MKNK2: variants seen among roughly 807,000 people sequenced by gnomAD.
MKNK2 encodes the protein MAP kinase-interacting serine/threonine-protein kinase 2.
A neutral mutation model predicts 55.0 loss-of-function variants in MKNK2; 54 were observed. The observed-to-expected ratio is 0.98, with a 90% CI of 0.79 to 1.23. The LOEUF is 1.23. Ranked by LOEUF, MKNK2 falls within the 50% of genes most tolerant of loss-of-function variation. The pLI is 0.00. For synonymous variants in MKNK2, 323 were observed against 256.0 expected (o/e 1.26, Z -2.50); for missense variants, 685 against 632.1 (o/e 1.08, Z -0.90).
In MKNK2 at chr19:2,038,154, G is replaced by A. The variant is rs997397798; in HGVS notation, c.*1459C>T. 17 of 1,046,698 alleles carry A rather than the reference G, an allele frequency of 1.6e-5. No homozygotes were observed. In the East Asian group the frequency reaches 1.1e-3, roughly 65 times the overall value. The allele number at this position is 1,046,698 out of a possible 1,614,324, so 64.8% of individuals were successfully genotyped here. On this transcript the variant is annotated 3_prime_UTR_variant, in exon 14 of 14. Coordinates refer to ENST00000250896, the MANE Select transcript of MKNK2 (RefSeq NM_199054.3). Reference sequence around the variant, plus strand: ...ATACGAGATTCAGGAGGGGCAGCAGGGCCAGGCAGACGGTCTCCGAGGCCC... The same window carrying A: ...ATACGAGATTCAGGAGGGGCAGCAGAGCCAGGCAGACGGTCTCCGAGGCCC...
intron 7 of MKNK2, 26 bp downstream of exon 7, chr19:2,043,098 C>A: frequency 6.3e-7 from 1 of 1,595,072 alleles, no homozygotes; most frequent in Non-Finnish European, 8.6e-7. Flanking sequence ...CTCCCTCCCT[C>A]CTCACAGCCT....
chr19:2,045,133 AG>A (rs1221875045), intron 5 of MKNK2, among the ~76,000 whole-genome samples: 1 of 152,130 alleles, frequency 6.6e-6, no homozygotes, highest in Non-Finnish European at 1.5e-5. Context: ...CACCTCCAGC[AG>A]GAAGTCCCCC....
rs567366409 is a variant in MKNK2 at position 2,049,398 on chromosome 19, C to T, written c.51+1403G>A. On this transcript the variant is annotated intron_variant, in intron 2 of 13. Coordinates refer to ENST00000250896, the MANE Select transcript of MKNK2 (RefSeq NM_199054.3). ...TGTGGGGGGAGATTCCTAGAGCAAC[C>T]GGTCCCGGCCACCTGGAGGAACACC... Among the ~76,000 whole-genome samples, 3 of 152,172 alleles carry T rather than the reference C, an allele frequency of 2.0e-5. No homozygotes were observed. The East Asian group carries it at 5.8e-4, about 29-fold the overall frequency.
chr19:2,043,967 C>A (rs1411822589), intron 5 of MKNK2, among the ~76,000 whole-genome samples: 1 of 105,282 alleles, frequency 9.5e-6, no homozygotes, highest in Non-Finnish European at 1.7e-5. Context: ...CAGAGTGAGA[C>A]TTCGCCTCAA....
chr19:2,042,732 G>A (rs762377486), intron 8 of MKNK2, 34 bp downstream of exon 8: 2 of 1,550,066 alleles, frequency 1.3e-6, no homozygotes, highest in Non-Finnish European at 1.7e-6. Flanking sequence ...TTGGCAGGCG[G>A]CCCTAGGAGA....
intron 2 of MKNK2, among the ~76,000 whole-genome samples, chr19:2,050,559 C>T (rs1382989816): frequency 6.6e-6 from 1 of 152,218 alleles, no homozygotes; most frequent in Non-Finnish European, 1.5e-5. Flanking sequence ...CCCAGCCTCA[C>T]TTGGGGGTCC....
chr19:2,037,778 T>C lies in MKNK2; in HGVS notation c.*1835A>G, dbSNP rs2016779054. ...TAACGGTTCTGACCAGTCCTCCAGG[T>C]CGCACGTGGATGCGACAGGGGTGGG... On this transcript the variant is annotated 3_prime_UTR_variant, in exon 14 of 14. Coordinates refer to ENST00000250896, the MANE Select transcript of MKNK2 (RefSeq NM_199054.3). 1.3e-6 allele frequency: 2 copies of C among 1,598,302 alleles called. No individual in the cohort carries two copies. Among genetic ancestry groups the C allele is most frequent in the Non-Finnish European group, 1.7e-6 (2 of 1,172,914 alleles).
At chr19:2,039,940 G>A (rs887055944) in intron 13 of MKNK2, 84 bp from the exon 14 acceptor site, 2 of 1,487,044 alleles carry the variant, frequency 1.3e-6, no homozygotes, top group Non-Finnish European at 1.8e-6. Flanking sequence ...TGGGGGAAGG[G>A]GCTTCATGCC....
At position 2,039,282 on chromosome 19, in the gene MKNK2, A is replaced by AGG; in HGVS notation, c.*329_*330dup. On this transcript the variant is annotated 3_prime_UTR_variant, in exon 14 of 14. Transcript: ENST00000250896. ...CACGTGGGCAGATGGCGGGCAGCAC[A>AGG]GGTGACCTGGGGGCACCTTCATAGT... is the stretch of plus-strand genomic sequence containing the variant. 1 of 1,179,832 alleles carries AGG rather than the reference A, an allele frequency of 8.5e-7. No homozygotes were observed. The highest frequency in any genetic ancestry group is 1.1e-6 in the Non-Finnish European group (1 of 948,860). The allele number at this position is 1,179,832 out of a possible 1,614,324, so 73.1% of individuals were successfully genotyped here. A position where few individuals can be genotyped will look rare whatever the true frequency, so the allele number is the denominator to read the frequency against.
Position 2,043,583 on chromosome 19 carries a change from C to G in MKNK2, c.340-1G>C. 6.2e-7 allele frequency: 1 copy of G among 1,613,930 alleles called. No homozygotes were observed. Among genetic ancestry groups the G allele is most frequent in the Non-Finnish European group, 8.5e-7 (1 of 1,179,934 alleles). The stretch of plus-strand genomic sequence containing the variant: ...TGTGGCCTGGCTGCTTCTCAATGAT[C>G]TGAAACAGGCGAAAGGACACAGCAC... On this transcript the variant is annotated splice_acceptor_variant, in intron 5 of 13. Coordinates refer to ENST00000250896, the MANE Select transcript of MKNK2 (RefSeq NM_199054.3). LOFTEE classifies it high-confidence loss of function.
rs1049128630 is a variant in MKNK2 at position 2,037,988 on chromosome 19, A to G, written c.*1625T>C. 9 of 1,378,200 alleles carry G rather than the reference A, an allele frequency of 6.5e-6. No individual in the cohort carries two copies. Among genetic ancestry groups the G allele is most frequent in the Non-Finnish European group, 7.6e-6 (8 of 1,057,860 alleles). The allele number at this position is 1,378,200 out of a possible 1,614,324, so 85.4% of individuals were successfully genotyped here. A position where few individuals can be genotyped will look rare whatever the true frequency, so the allele number is the denominator to read the frequency against. On this transcript the variant is annotated 3_prime_UTR_variant, in exon 14 of 14. Transcript: ENST00000250896. ...CCCGTTACGAAACATGGAATCACTG[A>G]CAGGCGAGAAGTGATGGGGGAAAGG...
At position 2,046,301 on chromosome 19, in the gene MKNK2, G is replaced by A. The variant is rs774825837; in HGVS notation, c.242-18C>T. 1.2e-5 allele frequency: 20 copies of A among 1,602,924 alleles called. No homozygotes were observed. The highest frequency in any genetic ancestry group is 8.3e-5 in the Admixed American group (5 of 59,984). On this transcript the variant is annotated intron_variant, in intron 4 of 13. Transcript: ENST00000250896. ...GTAGACGTCTGCCGGGCAGCGGGGC[G>A]GGCGTGAGAGGGACCCTGGCTTTTC... is the stretch of plus-strand genomic sequence containing the variant.
Position 2,041,074 on chromosome 19 carries a change from G to T in MKNK2, c.1076C>A (p.Ala359Asp). 6.2e-7 allele frequency: 1 copy of T among 1,614,018 alleles called. No homozygotes were observed. Among genetic ancestry groups the T allele is most frequent in the South Asian group, 1.1e-5 (1 of 91,088 alleles). ...CCAGGGGTGCTGCAGGACTTGGGCG[G>T]CACTCAGCCTCTGCTTGGCGTCACG... ...LVRDAKQRLSAAQVLQHPWVQ... is the reference protein window; with the variant it reads ...LVRDAKQRLSDAQVLQHPWVQ... The change falls in exon 12 of 14, where the codon GCC (alanine) becomes GAC (aspartate). Residue 359 changes from alanine (A) to aspartate (D), a missense_variant. Coordinates refer to ENST00000250896, the MANE Select transcript of MKNK2 (RefSeq NM_199054.3).
intron 6 of MKNK2, 38 bp downstream of exon 6, chr19:2,043,465 A>AG (rs1189203599): frequency 1.3e-6 from 2 of 1,582,008 alleles, no homozygotes; most frequent in Non-Finnish European, 1.7e-6. Context: ...ACTGAAAGAC[A>AG]GCTCAGGCCA....
intron 5 of MKNK2, among the ~76,000 whole-genome samples, chr19:2,043,847 G>A (rs937299626): frequency 6.6e-5 from 10 of 151,966 alleles, no homozygotes; most frequent in African/African-American, 2.2e-4. Context: ...GGTGGTACAC[G>A]CCTGTAATCC....
rs752974502 is a variant in MKNK2 at position 2,046,712 on chromosome 19, G to A, written c.52-21C>T. 2.0e-6 allele frequency: 3 copies of A among 1,494,642 alleles called. No homozygotes were observed. The South Asian group carries it at 4.0e-5, about 20-fold the overall frequency. 92.6% of individuals were successfully genotyped at this position (1,494,642 alleles called of 1,614,324 possible). On this transcript the variant is annotated intron_variant, in intron 2 of 13. Coordinates refer to ENST00000250896, the MANE Select transcript of MKNK2 (RefSeq NM_199054.3). ...TGCCCCTGCAGGGGAGAGGAGAGGA[G>A]AGGCACTCAGGCCCCATCCCTGCCC... is the stretch of plus-strand genomic sequence containing the variant.
At chr19:2,039,908 CCCCTGGGGTCTGTGAAGG>C in intron 13 of MKNK2, 52 bp from the exon 14 acceptor site, 2 of 1,553,982 alleles carry the variant, frequency 1.3e-6, no homozygotes, top group Non-Finnish European at 1.7e-6. Flanking sequence ...CCTCAGGGGA[CCCCTGGGGTCTGTGAAGG>C]CCCTGGGGGA....
intron 2 of MKNK2, among the ~76,000 whole-genome samples, chr19:2,049,732 C>T (rs1818359777): frequency 6.6e-6 from 1 of 152,218 alleles, no homozygotes; most frequent in African/African-American, 2.4e-5. Flanking sequence ...TCTTTCCCGC[C>T]CAGCCCCTGA....
chr19:2,040,718 C>T (rs540228374), intron 12 of MKNK2: 126 of 395,182 alleles, frequency 3.2e-4, no homozygotes, highest in Admixed American at 1.7e-3. Context: ...AGACTGACGG[C>T]AGGCTAGGCT....
Sources: allele counts gnomAD v4.1 joint callset (sites outside exome capture counted in the v4.1 genomes callset), GRCh38; gene constraint gnomAD v4.1.1; transcripts MANE v1.5; gene names NCBI Gene and HGNC (gene_info 2026-07-23, HGNC 2026-07-21).